Variants in ASIC5 observed in about 807,000 individuals in gnomAD.
The protein encoded by ASIC5 is acid sensing ion channel subunit family member 5.
A neutral mutation model predicts 51.2 loss-of-function variants in ASIC5; 52 were observed. The observed-to-expected ratio is 1.02, with a 90% CI of 0.81 to 1.28. The LOEUF is 1.28. Among genes scored for constraint, ASIC5 ranks in the 50% most tolerant of loss-of-function variants. The probability of loss-of-function intolerance (pLI) is 0.00; values close to 1 mark genes in which losing one functional copy is unlikely to be tolerated. For synonymous variants in ASIC5, 231 were observed against 200.7 expected (o/e 1.15, Z -1.28); for missense variants, 635 against 595.0 (o/e 1.07, Z -0.70).
At chr4:155,840,261 A>C (rs528250407) in intron 6 of ASIC5, among the ~76,000 whole-genome samples, 201 of 152,060 alleles carry the variant, frequency 1.3e-3, no homozygotes, top group African/African-American at 4.5e-3. Flanking sequence ...GGAATGAGAA[A>C]TCAGAGCCAG....
intron 5 of ASIC5, among the ~76,000 whole-genome samples, chr4:155,843,418 G>T (rs1048437073): frequency 6.6e-6 from 1 of 151,932 alleles, no homozygotes; most frequent in African/African-American, 2.4e-5. Context: ...AGCAACTTAG[G>T]TACCTCTTTA....
chr4:155,829,820 A>G lies in ASIC5; in HGVS notation c.*36T>C, dbSNP rs369325095. On this transcript the variant is annotated 3_prime_UTR_variant, in exon 10 of 10. Transcript: ENST00000537611. ...AATTAGTCAAGATAAATCTGAAGGT[A>G]TCATGAAAAGGAAACTATTTTATTC... 3 of 1,295,972 alleles carry G rather than the reference A, an allele frequency of 2.3e-6. No homozygotes were observed. In the African/African-American group the frequency reaches 4.6e-5, roughly 20 times the overall value. 80.3% of individuals were successfully genotyped at this position (1,295,972 alleles called of 1,614,324 possible).
chr4:155,865,161 AATTAT>A (rs569840358), intron 1 of ASIC5: 4 of 152,030 alleles, frequency 2.6e-5, no homozygotes, highest in African/African-American at 9.6e-5. Context: ...TTATTTTACA[AATTAT>A]ATTATGATTA....
At chr4:155,832,508 A>G (rs1740891628) in intron 8 of ASIC5, among the ~76,000 whole-genome samples, 1 of 152,208 alleles carries the variant, frequency 6.6e-6, no homozygotes, top group African/African-American at 2.4e-5. Flanking sequence ...GTGGCTAAAC[A>G]TCTTTTAAAA....
At chr4:155,843,256 G>C (rs1741161636) in intron 5 of ASIC5, among the ~76,000 whole-genome samples, 1 of 152,070 alleles carries the variant, frequency 6.6e-6, no homozygotes. Flanking sequence ...TGTGCAGAGA[G>C]GAGATGCAAA....
intron 8 of ASIC5, 60 bp from the exon 9 acceptor site, chr4:155,831,975 G>A (rs1260150710): frequency 1.3e-5 from 11 of 866,416 alleles, no homozygotes; most frequent in Admixed American, 4.6e-5. Flanking sequence ...TTTAATTCCC[G>A]TCGAATAAAG....
In ASIC5 at chr4:155,863,710, G is replaced by C; in HGVS notation, c.85C>G (p.Pro29Ala). The change falls in exon 2 of 10, where the codon CCA becomes GCA. Residue 29 changes from proline (P) to alanine (A), a missense_variant. Pro to Ala is a conservative substitution (Grantham distance 27). Transcript: ENST00000537611. The part of the protein sequence containing the change: ...IKLCLSKKPL[P>A]SPTERKKFDH... ...AACTTCTTTCGCTCAGTGGGAGATG[G>C]CAGTGGTTTCTTTGAAAGGCAAAGC... The C allele has an allele frequency of 6.2e-7, 1 of 1,613,798 alleles. No individual in the cohort carries two copies. Among genetic ancestry groups the C allele is most frequent in the Non-Finnish European group, 8.5e-7 (1 of 1,179,874 alleles).
intron 6 of ASIC5, among the ~76,000 whole-genome samples, chr4:155,840,630 AGTTTATG>A (rs2111235676): frequency 6.6e-6 from 1 of 151,906 alleles, no homozygotes; most frequent in African/African-American, 2.4e-5. Flanking sequence ...GGAGGAACTT[AGTTTATG>A]GTTTAGCTCT....
chr4:155,838,702 A>T, intron 7 of ASIC5, 111 bp downstream of exon 7: 1 of 635,134 alleles, frequency 1.6e-6, no homozygotes, highest in South Asian at 2.3e-5. Flanking sequence ...CTTCTCTTAT[A>T]TACTATATTC....
chr4:155,842,746 T>G (rs116071243), intron 5 of ASIC5, among the ~76,000 whole-genome samples: 19 of 152,122 alleles, frequency 1.2e-4, no homozygotes, highest in Non-Finnish European at 2.2e-4. Flanking sequence ...CAACATGGTG[T>G]TGCAGAACTT....
intron 4 of ASIC5, among the ~76,000 whole-genome samples, chr4:155,851,071 GTCT>G (rs1741371483): frequency 1.3e-5 from 2 of 151,952 alleles, no homozygotes; most frequent in African/African-American, 4.8e-5. Flanking sequence ...ACACTTAACT[GTCT>G]AGTCTGGAGA....
At chr4:155,859,890 CA>C (rs1741651565) in intron 2 of ASIC5, among the ~76,000 whole-genome samples, 1 of 152,008 alleles carries the variant, frequency 6.6e-6, no homozygotes. Context: ...TATTTTGCTT[CA>C]GGGGAAGACT....
intron 5 of ASIC5, among the ~76,000 whole-genome samples, chr4:155,843,395 A>G (rs1741164599): frequency 6.6e-6 from 1 of 152,098 alleles, no homozygotes; most frequent in East Asian, 1.9e-4. Flanking sequence ...GTCTCATTGA[A>G]GAATCATAGC....
Position 155,836,696 on chromosome 4 carries a change from A to G in ASIC5, c.1228T>C (p.Tyr410His). The G allele has an allele frequency of 6.2e-7, 1 of 1,605,978 alleles. No individual in the cohort carries two copies. The highest frequency in any genetic ancestry group is 1.1e-5 in the South Asian group (1 of 90,152). ...AAAGGCTAGTAAGGTTACCTGATGTATTTCCGGCTTTGATTCAACTTCTTG... is the reference window on the plus strand; with the variant it reads ...AAAGGCTAGTAAGGTTACCTGATGTGTTTCCGGCTTTGATTCAACTTCTTG... ...LSKKLNQSRK[Y>H]IRENLVKIEI... The change falls in exon 8 of 10, where the codon TAC (tyrosine) becomes CAC (histidine). Residue 410 changes from tyrosine (Y) to histidine (H), a missense_variant. Physicochemically the swap from Tyr to His is moderately conservative, Grantham distance 83. Coordinates refer to ENST00000537611, the MANE Select transcript of ASIC5 (RefSeq NM_017419.3).
In ASIC5 at chr4:155,866,172, T is replaced by G. The variant is rs1157729120; in HGVS notation, c.40+15A>C. ...GAAAAATATTACTGCTCTGAGGAGT[T>G]CACTCTTTACTCACCGTTCTCAGCA... On this transcript the variant is annotated intron_variant, in intron 1 of 9. Transcript: ENST00000537611. The G allele has an allele frequency of 3.9e-6, 6 of 1,554,624 alleles. No individual in the cohort carries two copies. Among genetic ancestry groups the G allele is most frequent in the Non-Finnish European group, 5.3e-6 (6 of 1,127,950 alleles).
rs948284320 is a variant in ASIC5 at position 155,838,761 on chromosome 4, T to G, written c.1066+52A>C. ...AGTTTGACTTAATGTCTTATATTAC[T>G]TTGAGCAACTTTAATATAAATCCTG... is the stretch of plus-strand genomic sequence containing the variant. On this transcript the variant is annotated intron_variant, in intron 7 of 9. Coordinates refer to ENST00000537611, the MANE Select transcript of ASIC5 (RefSeq NM_017419.3). 4 of 1,127,456 alleles carry G rather than the reference T, an allele frequency of 3.5e-6. No homozygotes were observed. The African/African-American group carries it at 6.2e-5, about 18-fold the overall frequency. The allele number at this position is 1,127,456 out of a possible 1,614,324, so 69.8% of individuals were successfully genotyped here.
Position 155,866,198 on chromosome 4 carries a change from T to G in ASIC5, c.29A>C (p.Tyr10Ser), listed in dbSNP as rs771181277. The change falls in exon 1 of 10, where the codon TAT (tyrosine) becomes TCT (serine). Residue 10 changes from tyrosine to serine, a missense_variant. By Grantham distance (144) the Tyr-to-Ser change is moderately radical. Transcript: ENST00000537611. MEQTEKSKV[Y>S]AENGLLEKIK... ...CACTCTTTACTCACCGTTCTCAGCA[T>G]ATACTTTTGATTTTTCTGTCTGCTC... is the stretch of plus-strand genomic sequence containing the variant. 6.2e-7 allele frequency: 1 copy of G among 1,607,840 alleles called. No individual in the cohort carries two copies. The highest frequency in any genetic ancestry group is 1.1e-5 in the South Asian group (1 of 90,682).
In ASIC5 at chr4:155,831,846, C is replaced by A; in HGVS notation, c.1305G>T (p.Ala435=). 1 of 1,604,614 alleles carries A rather than the reference C, an allele frequency of 6.2e-7. No homozygotes were observed. The highest frequency in any genetic ancestry group is 8.5e-7 in the Non-Finnish European group (1 of 1,172,204). Residue 435 remains alanine, a synonymous_variant, in exon 9 of 10, where the codon GCG becomes GCT. Coordinates refer to ENST00000537611, the MANE Select transcript of ASIC5 (RefSeq NM_017419.3). ...LNYKITQQQK[A]VSVSELLADL... is the part of the protein sequence containing the mutation. The stretch of plus-strand genomic sequence containing the variant: ...TACCAAGTAACTCAGACACACTCAC[C>A]GCCTTTTGCTGCTGGGTTATCTTAT...
intron 4 of ASIC5, among the ~76,000 whole-genome samples, chr4:155,847,283 T>C (rs1741272945): frequency 6.6e-6 from 1 of 152,140 alleles, no homozygotes; most frequent in South Asian, 2.1e-4. Context: ...TATCTTCCTG[T>C]ATGTGCTTTT....
Sources: allele counts gnomAD v4.1 joint callset (sites outside exome capture counted in the v4.1 genomes callset), GRCh38; gene constraint gnomAD v4.1.1; transcripts MANE v1.5; gene names NCBI Gene and HGNC (gene_info 2026-07-23, HGNC 2026-07-21).